The following SLC39A8 variants were observed in gnomAD, a reference collection of about 807,000 sequenced individuals.
SLC39A8 encodes the protein metal cation symporter ZIP8.
SLC39A8 carries 15 observed loss-of-function variants against 40.4 expected under a neutral mutation model. The ratio of observed to expected loss-of-function variants is 0.37; its 90% CI spans 0.25 to 0.57. SLC39A8 has a LOEUF of 0.57. SLC39A8 is among the 20% of genes least tolerant of loss of function. SLC39A8 has a pLI of 0.75. For missense variants in SLC39A8, 472 were observed against 558.8 expected, an observed-to-expected ratio of 0.84 and a Z score of 1.57; for synonymous variants, 223 against 221.6, an observed-to-expected ratio of 1.01 and a Z score of -0.06.
chr4:102,283,706 AT>A (rs1228307101), intron 6 of SLC39A8, among the ~76,000 whole-genome samples: 1 of 152,238 alleles, frequency 6.6e-6, no homozygotes, highest in African/African-American at 2.4e-5. Context: ...AGTTTATAAC[AT>A]TTAATAAAAT....
At chr4:102,334,013 C>A (rs903749620) in intron 2 of SLC39A8, among the ~76,000 whole-genome samples, 5 of 152,122 alleles carry the variant, frequency 3.3e-5, no homozygotes, top group Non-Finnish European at 7.4e-5. Flanking sequence ...GCCTGAGAAG[C>A]ACCCACTGAA....
chr4:102,307,963 A>G (rs907565361), intron 3 of SLC39A8, among the ~76,000 whole-genome samples: 1 of 151,996 alleles, frequency 6.6e-6, no homozygotes, highest in Non-Finnish European at 1.5e-5. Context: ...GGAATAGATT[A>G]AAACAGCATT....
intron 3 of SLC39A8, 40 bp from the exon 4 acceptor site, chr4:102,307,645 G>T: frequency 1.3e-6 from 2 of 1,576,790 alleles, no homozygotes; most frequent in Non-Finnish European, 8.6e-7. Flanking sequence ...ATTAATCAGA[G>T]CAAGGAACCA....
In SLC39A8 at chr4:102,261,982, G is replaced by A. The variant is rs772236152; in HGVS notation, c.*1062C>T. On this transcript the variant is annotated 3_prime_UTR_variant, in exon 9 of 9. Coordinates refer to ENST00000356736, the MANE Select transcript of SLC39A8 (RefSeq NM_001135146.2). ...TATAAAAGGTAGAAAAATAACCATG[G>A]TGTGCTAATTTTTTTCAAGGTATAC... 28 of 985,610 alleles carry A rather than the reference G, an allele frequency of 2.8e-5. No homozygotes were observed. The highest frequency in any genetic ancestry group is 2.5e-4 in the Admixed American group (4 of 16,248). 61.1% of individuals were successfully genotyped at this position (985,610 alleles called of 1,614,324 possible). A position where few individuals can be genotyped will look rare whatever the true frequency, so the allele number is the denominator to read the frequency against.
At chr4:102,337,429 A>T (rs544252433) in intron 2 of SLC39A8, among the ~76,000 whole-genome samples, 15 of 152,224 alleles carry the variant, frequency 9.9e-5, no homozygotes, top group African/African-American at 3.1e-4. Context: ...TGAGAGAACA[A>T]CCCTAGGGAA....
chr4:102,267,896 A>T lies in SLC39A8; in HGVS notation c.1024T>A (p.Cys342Ser). ...CCTAACTCGTGGGGAAACTCCTCACATAGGATTGCTATGGAAGTACTGAGT... is the reference window on the plus strand; with the variant it reads ...CCTAACTCGTGGGGAAACTCCTCACTTAGGATTGCTATGGAAGTACTGAGT... ...QGLSTSIAILCEEFPHELGDF... is the reference protein window; with the variant it reads ...QGLSTSIAILSEEFPHELGDF... Residue 342 changes from cysteine (C) to serine (S), a missense_variant, in exon 7 of 9, where the codon TGT becomes AGT. Physicochemically the swap from Cys to Ser is moderately radical, Grantham distance 112. Around this residue, in one of 4 missense-constraint regions of SLC39A8, gnomAD observed 239 missense variants for 317.9 expected, o/e 0.75. Transcript: ENST00000356736. 1 of 1,614,124 alleles carries T rather than the reference A, an allele frequency of 6.2e-7. No individual in the cohort carries two copies.
chr4:102,305,171 A>T, intron 4 of SLC39A8, 60 bp from the exon 5 acceptor site: 3 of 1,529,780 alleles, frequency 2.0e-6, no homozygotes, highest in Non-Finnish European at 2.7e-6. Context: ...ATTTCTGGAA[A>T]ATAATACCAG....
chr4:102,263,350 T>C (rs1164887754), intron 8 of SLC39A8, among the ~76,000 whole-genome samples, 157 bp from the exon 9 acceptor site: 1 of 152,180 alleles, frequency 6.6e-6, no homozygotes, highest in Non-Finnish European at 1.5e-5. Flanking sequence ...AATTCCCAGG[T>C]TTCCCAGTGC....
chr4:102,321,503 A>G (rs1316929977), intron 2 of SLC39A8, among the ~76,000 whole-genome samples: 1 of 152,230 alleles, frequency 6.6e-6, no homozygotes, highest in Non-Finnish European at 1.5e-5. Context: ...GAACTCCGCT[A>G]GCTTTGCTGA....
At chr4:102,306,153 T>C (rs1221253633) in intron 4 of SLC39A8, among the ~76,000 whole-genome samples, 1 of 152,038 alleles carries the variant, frequency 6.6e-6, no homozygotes, top group African/African-American at 2.4e-5. Flanking sequence ...AGACAGATTC[T>C]TTATATTGTT....
intron 6 of SLC39A8, among the ~76,000 whole-genome samples, chr4:102,296,045 C>T (rs1733665481): frequency 6.6e-6 from 1 of 152,012 alleles, no homozygotes. Flanking sequence ...AGATTCTCTT[C>T]CATTAAGAGA....
chr4:102,301,181 T>C (rs1459792350), intron 6 of SLC39A8, among the ~76,000 whole-genome samples: 1 of 151,952 alleles, frequency 6.6e-6, no homozygotes, highest in Non-Finnish European at 1.5e-5. Context: ...TTTACCTAGG[T>C]TTATAATTCC....
chr4:102,265,201 T>C (rs1181990618), intron 8 of SLC39A8, among the ~76,000 whole-genome samples: 1 of 152,194 alleles, frequency 6.6e-6, no homozygotes, highest in Non-Finnish European at 1.5e-5. Context: ...TGTGCAGCTC[T>C]TCCTTTCACT....
In SLC39A8 at chr4:102,289,077, G is replaced by C. The variant is rs376738942; in HGVS notation, c.840+15240C>G. 4.6e-5 allele frequency among the ~76,000 whole-genome samples: 7 copies of C among 152,250 alleles called. No homozygotes were observed. In the East Asian group the frequency reaches 1.4e-3, roughly 29 times the overall value. On this transcript the variant is annotated intron_variant, in intron 6 of 8. Coordinates refer to ENST00000356736, the MANE Select transcript of SLC39A8 (RefSeq NM_001135146.2). ...CTGGTTTCAAAGCTTCAAAGGACAG[G>C]CTGACTCTCTTGTTTGGGGTTAATG...
chr4:102,276,151 G>A (rs1732607333), intron 6 of SLC39A8, among the ~76,000 whole-genome samples: 1 of 152,152 alleles, frequency 6.6e-6, no homozygotes, highest in South Asian at 2.1e-4. Flanking sequence ...AGAACTGAAG[G>A]AGATTGAGAC....
intron 8 of SLC39A8, among the ~76,000 whole-genome samples, chr4:102,266,302 C>T (rs1203882038): frequency 6.6e-6 from 1 of 152,024 alleles, no homozygotes; most frequent in Non-Finnish European, 1.5e-5. Flanking sequence ...AGTAAAATGA[C>T]TATAAGATAG....
chr4:102,304,287 T>C (rs1734039690), intron 6 of SLC39A8, 30 bp downstream of exon 6: 1 of 1,570,510 alleles, frequency 6.4e-7, no homozygotes, highest in South Asian at 1.1e-5. Context: ...GAATGCAGTA[T>C]AATGAAGGAA....
At chr4:102,271,897 A>G (rs1732379913) in intron 6 of SLC39A8, among the ~76,000 whole-genome samples, 1 of 152,190 alleles carries the variant, frequency 6.6e-6, no homozygotes, top group African/African-American at 2.4e-5. Flanking sequence ...CAGAATGATG[A>G]AATGTCCTGA....
chr4:102,313,266 C>T (rs1387415743), intron 3 of SLC39A8, among the ~76,000 whole-genome samples: 1 of 152,056 alleles, frequency 6.6e-6, no homozygotes, highest in Admixed American at 6.6e-5. Context: ...ACTCCCTGTA[C>T]CTTTGTTTTC....
Sources: gnomAD v4.1 joint callset for allele counts (sites outside exome capture counted in the v4.1 genomes callset) on GRCh38, gnomAD v4.1.1 for gene constraint, gnomAD v4.1.1 regional missense constraint, MANE v1.5 for transcripts, NCBI Gene and HGNC (gene_info 2026-07-23, HGNC 2026-07-21) for gene names.